The following TENM1 variants were observed in gnomAD, a reference collection of about 807,000 sequenced individuals.
TENM1 encodes the protein teneurin-1.
TENM1 carries 35 observed loss-of-function variants against 174.8 expected under a neutral mutation model. The ratio of observed to expected loss-of-function variants is 0.20; its 90% CI spans 0.15 to 0.27. The LOEUF (loss-of-function observed/expected upper bound fraction) is 0.27. TENM1 is among the 10% of genes least tolerant of loss of function. The pLI, the probability that TENM1 is intolerant of heterozygous loss-of-function variation, is 1.00. For missense variants in TENM1, 1,633 were observed against 2,130.1 expected (o/e 0.77, Z 4.59); for synonymous variants, 781 against 798.7 (o/e 0.98, Z 0.37).
the TENM1 span, among the ~76,000 whole-genome samples, chrX:125,012,993 A>T: frequency 8.9e-6 from 1 of 112,031 alleles, no homozygotes; most frequent in East Asian, 2.8e-4. Context: ...GTTGGGCATT[A>T]TGCTTAGGTA....
the TENM1 span, among the ~76,000 whole-genome samples, chrX:124,981,956 T>TA: frequency 5.6e-3 from 149 of 26,619 alleles, 4 homozygotes; most frequent in East Asian, 0.013. Flanking sequence ...TAGAGTATAA[T>TA]AAAAAAAAAA....
rs1004508741 is a variant in TENM1 at position 124,671,621 on chromosome X, A to G, written c.1168+62T>C. The G allele has an allele frequency of 1.5e-5, 16 of 1,076,189 alleles. 1 individual carries two copies. Among genetic ancestry groups the G allele is most frequent in the Middle Eastern group, 5.4e-4 (2 of 3,720 alleles). The allele number at this position is 1,076,189 out of a possible 1,213,427, so 88.7% of individuals were successfully genotyped here. On this transcript the variant is annotated intron_variant, in intron 6 of 31. Coordinates refer to ENST00000422452, the Ensembl canonical transcript of TENM1. ...AATGTGAAGTGAAACCATCCCAGCT[A>G]CAGTTCTAATGACCAAATTAGAAGA...
chrX:124,977,963 T>TGAGA, the TENM1 span, among the ~76,000 whole-genome samples: 3 of 40,641 alleles, frequency 7.4e-5, no homozygotes, highest in African/African-American at 8.3e-5. Flanking sequence ...TGTGTGTGTG[T>TGAGA]GTGTGAGAGA....
Position 124,947,504 on chromosome X carries a change from G to A in TENM1, c.217+16033C>T, listed in dbSNP as rs765458909. Among the ~76,000 whole-genome samples the A allele has an allele frequency of 2.1e-3, 232 of 111,757 alleles. 1 individual carries two copies. Among genetic ancestry groups the A allele is most frequent in the African/African-American group, 6.8e-3 (211 of 30,868 alleles). The stretch of plus-strand genomic sequence containing the variant: ...AAATTGTAAAATGGGGATTAGAAAT[G>A]TGGCTAAATATTACAGGGTTATTTT... On this transcript the variant is annotated intron_variant, in intron 1 of 31. Coordinates refer to ENST00000422452, the Ensembl canonical transcript of TENM1.
At chrX:125,001,441 C>A in the TENM1 span, among the ~76,000 whole-genome samples, 1 of 111,382 alleles carries the variant, frequency 9.0e-6, no homozygotes, top group Admixed American at 9.6e-5. Context: ...AAGTTCTTTT[C>A]TCTGCTTTAA....
chrX:124,826,827 A>G (rs888818095), intron 3 of TENM1, among the ~76,000 whole-genome samples: 2 of 111,917 alleles, frequency 1.8e-5, no homozygotes, highest in Non-Finnish European at 3.8e-5. Context: ...TGACATCAAC[A>G]GTTTAGAATC....
chrX:125,129,499 A>G, the TENM1 span, among the ~76,000 whole-genome samples: 1 of 111,504 alleles, frequency 9.0e-6, no homozygotes, highest in South Asian at 3.8e-4. Flanking sequence ...TAAAATGTAC[A>G]TTATTTTTCA....
the TENM1 span, among the ~76,000 whole-genome samples, chrX:125,095,614 C>T: frequency 1.8e-5 from 2 of 111,945 alleles, no homozygotes; most frequent in African/African-American, 6.5e-5. Flanking sequence ...TACTAATTAG[C>T]GTATACAACT....
chrX:124,613,456 A>G (rs183538318), intron 11 of TENM1, among the ~76,000 whole-genome samples: 265 of 111,917 alleles, frequency 2.4e-3, no homozygotes, highest in African/African-American at 8.1e-3. Flanking sequence ...TCAGCAAACT[A>G]TTTAAAAAAT....
chrX:124,678,332 T>TTA (rs1359895719), intron 5 of TENM1, among the ~76,000 whole-genome samples: 1 of 111,177 alleles, frequency 9.0e-6, no homozygotes, highest in Non-Finnish European at 1.9e-5. Flanking sequence ...AAATATGTAT[T>TTA]TATATATATT....
Position 124,581,742 on chromosome X carries a change from G to A in TENM1, c.2078-16182C>T, listed in dbSNP as rs748348384. On this transcript the variant is annotated intron_variant, in intron 11 of 31. Transcript: ENST00000422452. ...TTTTCATAGCAGCCATTCTGACTTAGGTGAGATGGTATCTCACTGTGGTTT... is the reference window on the plus strand; with the variant it reads ...TTTTCATAGCAGCCATTCTGACTTAAGTGAGATGGTATCTCACTGTGGTTT... Among the ~76,000 whole-genome samples, 7 of 111,291 alleles carry A rather than the reference G, an allele frequency of 6.3e-5. No homozygotes were observed. The South Asian group carries it at 2.7e-3, about 43-fold the overall frequency.
chrX:124,685,251 G>A (rs1398941919), intron 5 of TENM1, among the ~76,000 whole-genome samples: 3 of 111,535 alleles, frequency 2.7e-5, no homozygotes, highest in Admixed American at 1.9e-4. Flanking sequence ...ACTTAAAGAA[G>A]CTCAGTGAAC....
the TENM1 span, among the ~76,000 whole-genome samples, chrX:125,067,050 T>C: frequency 9.1e-6 from 1 of 110,267 alleles, no homozygotes; most frequent in East Asian, 2.9e-4. Context: ...AAGACAGGAG[T>C]GAGCTTGGGA....
intron 1 of TENM1, among the ~76,000 whole-genome samples, chrX:124,923,072 A>G (rs985983469): frequency 1.1e-4 from 12 of 112,056 alleles, no homozygotes; most frequent in African/African-American, 3.6e-4. Context: ...AAGCTTCATA[A>G]TTATTCAAAT....
At chrX:124,658,651 T>A (rs1020385311) in intron 6 of TENM1, among the ~76,000 whole-genome samples, 5 of 111,954 alleles carry the variant, frequency 4.5e-5, no homozygotes, top group African/African-American at 1.6e-4. Context: ...ATGACACTGA[T>A]AATAGATAGC....
intron 6 of TENM1, among the ~76,000 whole-genome samples, chrX:124,654,596 G>C (rs1319838155): frequency 2.7e-5 from 3 of 111,725 alleles, no homozygotes; most frequent in Non-Finnish European, 5.6e-5. Flanking sequence ...AAAGAGGAAA[G>C]AAACTGTAAA....
chrX:124,588,821 G>T (rs1384511645), intron 11 of TENM1, among the ~76,000 whole-genome samples: 1 of 111,690 alleles, frequency 9.0e-6, no homozygotes, highest in Non-Finnish European at 1.9e-5. Flanking sequence ...GGTTTTCTAG[G>T]TATAGAATGA....
the TENM1 span, among the ~76,000 whole-genome samples, chrX:125,034,062 T>C: frequency 1.8e-5 from 2 of 111,373 alleles, no homozygotes; most frequent in Non-Finnish European, 3.8e-5. Context: ...GTAGAAACCA[T>C]GGCCCAGAGA....
chrX:125,158,641 T>TG, the TENM1 span, among the ~76,000 whole-genome samples: 1 of 110,392 alleles, frequency 9.1e-6, no homozygotes, highest in Non-Finnish European at 1.9e-5. Flanking sequence ...ACTAACTAGA[T>TG]GCACATTTTA....
Sources: allele counts gnomAD v4.1 joint callset (sites outside exome capture counted in the v4.1 genomes callset), GRCh38; gene constraint gnomAD v4.1.1; transcripts MANE v1.5; gene names NCBI Gene and HGNC (gene_info 2026-07-23, HGNC 2026-07-21).